The following SDCCAG8 variants were observed in gnomAD, a reference collection of about 807,000 sequenced individuals.
SDCCAG8 encodes the protein serologically defined colon cancer antigen 8.
A neutral mutation model predicts 101.8 loss-of-function variants in SDCCAG8; 74 were observed. The ratio of observed to expected loss-of-function variants is 0.73; its 90% CI spans 0.60 to 0.88. SDCCAG8 has a LOEUF of 0.88. Ranked by LOEUF, SDCCAG8 falls within the 40% of genes least tolerant of loss-of-function variation. The probability of loss-of-function intolerance (pLI) is 0.00; values close to 1 mark genes in which losing one functional copy is unlikely to be tolerated. For missense variants in SDCCAG8, 787 were observed against 822.6 expected, an observed-to-expected ratio of 0.96 and a Z score of 0.53; for synonymous variants, 281 against 292.9, an observed-to-expected ratio of 0.96 and a Z score of 0.41.
chr1:243,480,720 G>GAT (rs1358954038), intron 16 of SDCCAG8, among the ~76,000 whole-genome samples: 3,239 of 132,366 alleles, frequency 0.024, 8 homozygotes, highest in African/African-American at 0.034. Context: ...TGGATGGATG[G>GAT]GTGGGATGGA....
rs2149262996 is a variant in SDCCAG8 at position 243,270,120 on chromosome 1, G to A, written c.83G>A (p.Ser28Asn). Residue 28 changes from serine (S) to asparagine (N), a missense_variant, in exon 2 of 18, where the codon AGC becomes AAC. Transcript: ENST00000366541. Reference sequence around the variant, plus strand: ...GTTCTTGCAGAACATGCCAGCAGAAGCATTCACCAACTGACATGTGCCCTG... The same window carrying A: ...GTTCTTGCAGAACATGCCAGCAGAAACATTCACCAACTGACATGTGCCCTG... ...QRSLREHASRSIHQLTCALKE... is the reference protein window; with the variant it reads ...QRSLREHASRNIHQLTCALKE... The A allele has an allele frequency of 4.3e-6, 7 of 1,614,214 alleles. No individual in the cohort carries two copies. Among genetic ancestry groups the A allele is most frequent in the Non-Finnish European group, 5.9e-6 (7 of 1,180,044 alleles).
At chr1:243,498,574 T>C (rs1474343470) in intron 17 of SDCCAG8, among the ~76,000 whole-genome samples, 1 of 152,242 alleles carries the variant, frequency 6.6e-6, no homozygotes, top group Non-Finnish European at 1.5e-5. Context: ...AAGAAAAAGT[T>C]GTCCTCAGGG....
In SDCCAG8 at chr1:243,416,240, T is replaced by G. The variant is rs2080577844; in HGVS notation, c.1744+411T>G. 6.6e-6 allele frequency among the ~76,000 whole-genome samples: 1 copy of G among 152,206 alleles called. No homozygotes were observed. Among genetic ancestry groups the G allele is most frequent in the Admixed American group, 6.5e-5 (1 of 15,280 alleles). ...GAGCTTACAGTTAGAGTCTCCTGAATAGCATTGAACAGTTCCCACAGTACA... is the reference window on the plus strand; with the variant it reads ...GAGCTTACAGTTAGAGTCTCCTGAAGAGCATTGAACAGTTCCCACAGTACA... On this transcript the variant is annotated intron_variant, in intron 14 of 17. Coordinates refer to ENST00000366541, the MANE Select transcript of SDCCAG8 (RefSeq NM_006642.5). The surrounding 1 kb of genome is among the most constrained non-coding windows in gnomAD (Gnocchi z 4.3).
intron 13 of SDCCAG8, among the ~76,000 whole-genome samples, chr1:243,397,424 C>T (rs1428270068): frequency 2.0e-5 from 3 of 152,010 alleles, no homozygotes; most frequent in South Asian, 4.1e-4. Flanking sequence ...CCAGAAGCTC[C>T]ATTATGATAA....
chr1:243,291,992 G>A (rs2070314792), intron 5 of SDCCAG8, among the ~76,000 whole-genome samples: 1 of 152,086 alleles, frequency 6.6e-6, no homozygotes, highest in South Asian at 2.1e-4. Context: ...TGCTATTACT[G>A]GTTTATTATT....
At chr1:243,473,145 G>T in intron 16 of SDCCAG8, among the ~76,000 whole-genome samples, 1 of 152,046 alleles carries the variant, frequency 6.6e-6, no homozygotes, top group Non-Finnish European at 1.5e-5. Context: ...TCCACCAATT[G>T]GAAGAAATCC....
chr1:243,497,341 G>A (rs970669656), intron 17 of SDCCAG8, among the ~76,000 whole-genome samples: 2 of 149,996 alleles, frequency 1.3e-5, no homozygotes, highest in South Asian at 4.3e-4. Context: ...CACGGGTGGG[G>A]GGGGGGGCGT....
chr1:243,378,174 CT>C lies in SDCCAG8; in HGVS notation c.1474-537del, dbSNP rs1024556182. 3.9e-3 allele frequency among the ~76,000 whole-genome samples: 570 copies of C among 147,722 alleles called. 2 individuals are homozygous for C. The highest frequency in any genetic ancestry group is 0.013 in the African/African-American group (536 of 40,424). ...ACTCTCAATGCTTAAATTTCTCATG[CT>C]TTTTTTTTTCCTGGATTATTTTTTC... On this transcript the variant is annotated intron_variant, in intron 12 of 17. Transcript: ENST00000366541.
At chr1:243,407,793 C>G (rs1189250014) in intron 13 of SDCCAG8, among the ~76,000 whole-genome samples, 1 of 152,140 alleles carries the variant, frequency 6.6e-6, no homozygotes, top group Non-Finnish European at 1.5e-5. Context: ...GAAGTTCTGA[C>G]ATACTTTGCA....
intron 8 of SDCCAG8, among the ~76,000 whole-genome samples, chr1:243,316,395 C>T (rs1282632143): frequency 1.3e-5 from 2 of 152,192 alleles, no homozygotes; most frequent in African/African-American, 4.8e-5. Flanking sequence ...TGACTGCTAC[C>T]TTGATTTACA....
chr1:243,266,663 A>G (rs369786281), intron 1 of SDCCAG8, among the ~76,000 whole-genome samples: 1 of 151,854 alleles, frequency 6.6e-6, no homozygotes, highest in South Asian at 2.1e-4. Context: ...AACAGCATCA[A>G]AAAGTGAGTA....
At chr1:243,465,210 CA>C (rs1659889622) in intron 16 of SDCCAG8, among the ~76,000 whole-genome samples, 1 of 152,192 alleles carries the variant, frequency 6.6e-6, no homozygotes, top group Non-Finnish European at 1.5e-5. Context: ...CTGGTGGGAA[CA>C]AATTCCTGCC....
intron 12 of SDCCAG8, among the ~76,000 whole-genome samples, chr1:243,354,788 A>G (rs1342816473): frequency 6.6e-6 from 1 of 152,260 alleles, no homozygotes; most frequent in African/African-American, 2.4e-5. Context: ...CAGATGACCT[A>G]GAATATGATC....
intron 1 of SDCCAG8, 40 bp from the exon 2 acceptor site, chr1:243,270,065 G>A: frequency 6.2e-7 from 1 of 1,613,998 alleles, no homozygotes; most frequent in Non-Finnish European, 8.5e-7. Flanking sequence ...TGGTCAACCA[G>A]ACTCCATGGG....
intron 16 of SDCCAG8, among the ~76,000 whole-genome samples, chr1:243,459,117 C>T (rs979650965): frequency 2.6e-5 from 4 of 152,164 alleles, no homozygotes; most frequent in Non-Finnish European, 4.4e-5. Context: ...GCCTTTCCTT[C>T]CCATAATGAA....
At chr1:243,377,370 A>G (rs2077657862) in intron 12 of SDCCAG8, among the ~76,000 whole-genome samples, 1 of 151,800 alleles carries the variant, frequency 6.6e-6, no homozygotes, top group African/African-American at 2.4e-5. Flanking sequence ...ATGAAATTGG[A>G]AATATATGGG....
chr1:243,358,628 A>G (rs1039370161), intron 12 of SDCCAG8, among the ~76,000 whole-genome samples: 1 of 152,210 alleles, frequency 6.6e-6, no homozygotes, highest in Non-Finnish European at 1.5e-5. Context: ...AGAGAAATCA[A>G]AACATGCTAC....
In SDCCAG8 at chr1:243,485,894, G is replaced by GAA. The variant is rs111581512; in HGVS notation, c.1986-3108_1986-3107dup. Among the ~76,000 whole-genome samples, 197 of 102,484 alleles carry GAA rather than the reference G, an allele frequency of 1.9e-3. 3 individuals are homozygous for GAA. Among genetic ancestry groups the GAA allele is most frequent in the African/African-American group, 6.4e-3 (173 of 26,880 alleles). The allele number at this position is 102,484 out of a possible 152,430, so 67.2% of individuals were successfully genotyped here. On this transcript the variant is annotated intron_variant, in intron 16 of 17. Transcript: ENST00000366541. ...GCAACAAAGCAAGACTTCGTATCAA[G>GAA]AAAAAAAAAAAAATCAATCTCGGGC...
chr1:243,457,681 C>G (rs1419793916), intron 16 of SDCCAG8, among the ~76,000 whole-genome samples: 5 of 152,158 alleles, frequency 3.3e-5, no homozygotes, highest in African/African-American at 4.8e-5. Context: ...TTTTATGAAG[C>G]TTTTGTCCTT....
Sources: allele counts gnomAD v4.1 joint callset (sites outside exome capture counted in the v4.1 genomes callset), GRCh38; gene constraint gnomAD v4.1.1; non-coding constraint Gnocchi (gnomAD v3.1); transcripts MANE v1.5; gene names NCBI Gene and HGNC (gene_info 2026-07-23, HGNC 2026-07-21).